KLHL28: variants seen among roughly 807,000 people sequenced by gnomAD.
KLHL28 encodes kelch-like protein 28.
Under a neutral mutation model 48.3 loss-of-function variants are expected in KLHL28, and 22 were observed. The observed-to-expected ratio is 0.46, with a 90% CI of 0.33 to 0.65. The LOEUF is 0.65. KLHL28 is among the 30% of genes least tolerant of loss of function. KLHL28 has a pLI of 0.03. For missense variants in KLHL28, 527 were observed against 704.3 expected (o/e 0.75, Z 2.85); for synonymous variants, 243 against 242.4 (o/e 1.00, Z -0.02).
chr14:44,938,980 C>T (rs1883957304), intron 2 of KLHL28, among the ~76,000 whole-genome samples: 1 of 152,168 alleles, frequency 6.6e-6, no homozygotes, highest in Admixed American at 6.5e-5. Context: ...TTTCTGCTTG[C>T]CCCCTGTGCT....
intron 3 of KLHL28, among the ~76,000 whole-genome samples, chr14:44,933,720 T>A (rs1342232803): frequency 6.6e-6 from 1 of 152,236 alleles, no homozygotes. Context: ...GTTTATGATG[T>A]GCTATAATAT....
At chr14:44,949,457 T>C (rs1474616980) in intron 1 of KLHL28, among the ~76,000 whole-genome samples, 1 of 151,968 alleles carries the variant, frequency 6.6e-6, no homozygotes, top group Non-Finnish European at 1.5e-5. Context: ...AGAACAAAAC[T>C]AAAAAAATAT....
intron 1 of KLHL28, chr14:44,953,832 T>C (rs1884685024): frequency 6.6e-6 from 1 of 152,022 alleles, no homozygotes; most frequent in African/African-American, 2.4e-5. Flanking sequence ...TGAAACAAAA[T>C]CCAGAAGACA....
chr14:44,931,593 C>A (rs2138582948), intron 3 of KLHL28, 52 bp from the exon 4 acceptor site: 1 of 1,424,808 alleles, frequency 7.0e-7, no homozygotes, highest in East Asian at 2.4e-5. Context: ...GTCATTCTTC[C>A]TGTCAAAGCA....
chr14:44,959,932 C>T (rs1884959608), intron 1 of KLHL28, among the ~76,000 whole-genome samples: 4 of 151,928 alleles, frequency 2.6e-5, no homozygotes, highest in Admixed American at 2.6e-4. Context: ...AAAAAATCTG[C>T]TTCGTAATAA....
intron 1 of KLHL28, among the ~76,000 whole-genome samples, chr14:44,954,748 ACT>A (rs1198908859): frequency 6.6e-6 from 1 of 152,196 alleles, no homozygotes; most frequent in African/African-American, 2.4e-5. Context: ...TTTTGAATAT[ACT>A]CTGTTTTATA....
At chr14:44,946,394 T>G (rs11848799) in intron 1 of KLHL28, among the ~76,000 whole-genome samples, 1 of 152,078 alleles carries the variant, frequency 6.6e-6, no homozygotes, top group Non-Finnish European at 1.5e-5. Flanking sequence ...TTAACATACT[T>G]TACCCAAAAT....
At chr14:44,939,765 G>GT (rs74943361) in intron 2 of KLHL28, among the ~76,000 whole-genome samples, 2 of 143,896 alleles carry the variant, frequency 1.4e-5, no homozygotes, top group African/African-American at 5.8e-5. Context: ...TTTCCCTATG[G>GT]CCTCTTCTTC....
intron 2 of KLHL28, among the ~76,000 whole-genome samples, chr14:44,940,628 G>A (rs950600584): frequency 3.3e-5 from 5 of 152,122 alleles, no homozygotes; most frequent in South Asian, 4.1e-4. Flanking sequence ...CATTGGACAA[G>A]TGCTGTTTTA....
chr14:44,950,003 A>T (rs1884509697), intron 1 of KLHL28, among the ~76,000 whole-genome samples: 1 of 152,118 alleles, frequency 6.6e-6, no homozygotes, highest in African/African-American at 2.4e-5. Flanking sequence ...GAACAGCAGA[A>T]ATTCAAATCA....
At chr14:44,961,369 C>G in intron 1 of KLHL28, among the ~76,000 whole-genome samples, 1 of 151,960 alleles carries the variant, frequency 6.6e-6, no homozygotes, top group East Asian at 1.9e-4. Context: ...TTGATAACGT[C>G]TAAGGGAGAG....
At chr14:44,933,424 C>A (rs1202938708) in intron 3 of KLHL28, among the ~76,000 whole-genome samples, 1 of 151,706 alleles carries the variant, frequency 6.6e-6, no homozygotes, top group Non-Finnish European at 1.5e-5. Context: ...AATCCTCCCA[C>A]GTCAGCCTCC....
Position 44,928,152 on chromosome 14 carries a change from A to C in KLHL28, c.*876T>G, listed in dbSNP as rs79851852. The C allele has an allele frequency of 0.015, 2,334 of 152,640 alleles. 24 individuals carry two copies. Among genetic ancestry groups the C allele is most frequent in the Non-Finnish European group, 0.022 (1,477 of 68,006 alleles). The allele number at this position is 152,640 out of a possible 1,614,324, so 9.5% of individuals were successfully genotyped here. On this transcript the variant is annotated 3_prime_UTR_variant, in exon 5 of 5. Coordinates refer to ENST00000396128, the MANE Select transcript of KLHL28 (RefSeq NM_017658.5). Reference sequence around the variant, plus strand: ...AAAAAGCAAAGATCTTAAAAAACTAAAATTATAAGGATATATAAAAAAATT... The same window carrying C: ...AAAAAGCAAAGATCTTAAAAAACTACAATTATAAGGATATATAAAAAAATT...
chr14:44,942,335 T>A (rs1365892019), intron 2 of KLHL28, among the ~76,000 whole-genome samples: 1 of 152,234 alleles, frequency 6.6e-6, no homozygotes, highest in African/African-American at 2.4e-5. Context: ...CCCCATTCTC[T>A]ATCTTTACTA....
intron 1 of KLHL28, among the ~76,000 whole-genome samples, chr14:44,958,288 C>G (rs1429126410): frequency 6.6e-6 from 1 of 151,680 alleles, no homozygotes; most frequent in East Asian, 1.9e-4. Flanking sequence ...ACCTAAGCCA[C>G]AAAACAGTGG....
At chr14:44,934,664 A>C (rs750735432) in intron 2 of KLHL28, 106 bp from the exon 3 acceptor site, 19 of 850,778 alleles carry the variant, frequency 2.2e-5, no homozygotes, top group African/African-American at 3.4e-5. Flanking sequence ...TTAAAAGCAC[A>C]ATAAACCATG....
Position 44,934,671 on chromosome 14 carries a change from C to T in KLHL28, c.900-113G>A, listed in dbSNP as rs1349797056. 5 of 765,902 alleles carry T rather than the reference C, an allele frequency of 6.5e-6. No individual in the cohort carries two copies. The South Asian group carries it at 9.8e-5, about 15-fold the overall frequency. 47.4% of individuals were successfully genotyped at this position (765,902 alleles called of 1,614,324 possible). A position where few individuals can be genotyped will look rare whatever the true frequency, so the allele number is the denominator to read the frequency against. On this transcript the variant is annotated intron_variant, in intron 2 of 4. Coordinates refer to ENST00000396128, the MANE Select transcript of KLHL28 (RefSeq NM_017658.5). ...CACAAAAATTAAAAGCACAATAAACCATGACACACCTTCCAAAGTGGCAAA... is the reference window on the plus strand; with the variant it reads ...CACAAAAATTAAAAGCACAATAAACTATGACACACCTTCCAAAGTGGCAAA...
intron 2 of KLHL28, among the ~76,000 whole-genome samples, chr14:44,940,707 T>C (rs1287057489): frequency 6.6e-6 from 1 of 152,194 alleles, no homozygotes; most frequent in Non-Finnish European, 1.5e-5. Flanking sequence ...GAGTCTCTCT[T>C]TCTCCTATTC....
chr14:44,945,285 T>C lies in KLHL28; in HGVS notation c.644A>G (p.Lys215Arg). 6.2e-7 allele frequency: 1 copy of C among 1,614,156 alleles called. No individual in the cohort carries two copies. Among genetic ancestry groups the C allele is most frequent in the Non-Finnish European group, 8.5e-7 (1 of 1,180,014 alleles). Residue 215 changes from lysine to arginine, a missense_variant, in exon 2 of 5, where the codon AAA (lysine) becomes AGA (arginine). Lys to Arg is a conservative substitution (Grantham distance 26). Coordinates refer to ENST00000396128, the MANE Select transcript of KLHL28 (RefSeq NM_017658.5). The stretch of plus-strand genomic sequence containing the variant: ...ACTGTTTAGTAACTGTGCTAAGTAT[T>C]TCTGGCGTTCTTGTACATCATACTT... ...WIKYDVQERQKYLAQLLNSVR... is the reference protein window; with the variant it reads ...WIKYDVQERQRYLAQLLNSVR...
Sources: allele counts gnomAD v4.1 joint callset (sites outside exome capture counted in the v4.1 genomes callset), GRCh38; gene constraint gnomAD v4.1.1; transcripts MANE v1.5; gene names NCBI Gene and HGNC (gene_info 2026-07-23, HGNC 2026-07-21).